The following AGBL4 variants were observed in gnomAD, a reference collection of about 807,000 sequenced individuals.
AGBL4 encodes the protein cytosolic carboxypeptidase 6.
AGBL4 carries 58 observed loss-of-function variants against 66.4 expected under a neutral mutation model. The observed-to-expected ratio is 0.87, with a 90% CI of 0.71 to 1.09. The LOEUF (loss-of-function observed/expected upper bound fraction) is 1.09, where lower values mean the gene tolerates loss of function less well. Among genes scored for constraint, AGBL4 ranks in the 50% least tolerant of loss-of-function variants. The pLI, the probability that AGBL4 is intolerant of heterozygous loss-of-function variation, is 0.00. For missense variants in AGBL4, 579 were observed against 631.0 expected (o/e 0.92, Z 0.88); for synonymous variants, 234 against 222.9 (o/e 1.05, Z -0.44).
At chr1:49,640,487 A>T (rs1558124476) in intron 3 of AGBL4, among the ~76,000 whole-genome samples, 1 of 152,130 alleles carries the variant, frequency 6.6e-6, no homozygotes, top group Non-Finnish European at 1.5e-5. Context: ...TGAGAGCACT[A>T]CTTAGTTTAG....
intron 6 of AGBL4, among the ~76,000 whole-genome samples, chr1:48,864,803 T>C (rs1647834118): frequency 6.6e-6 from 1 of 152,020 alleles, no homozygotes; most frequent in African/African-American, 2.4e-5. Flanking sequence ...GGAAGGAGTA[T>C]AGAATAGTCT....
intron 1 of AGBL4, among the ~76,000 whole-genome samples, chr1:49,983,919 A>G (rs1659291998): frequency 6.6e-6 from 1 of 152,194 alleles, no homozygotes; most frequent in Non-Finnish European, 1.5e-5. Flanking sequence ...GTTCCCAGCC[A>G]TGACGGGACA....
chr1:49,900,731 A>T (rs916790286), intron 1 of AGBL4, among the ~76,000 whole-genome samples: 2 of 152,228 alleles, frequency 1.3e-5, no homozygotes, highest in African/African-American at 4.8e-5. Flanking sequence ...GAATGTGCTT[A>T]TGGTCTCCTG....
At chr1:49,591,932 TC>T (rs1644759128) in intron 3 of AGBL4, among the ~76,000 whole-genome samples, 1 of 151,982 alleles carries the variant, frequency 6.6e-6, no homozygotes, top group Admixed American at 6.6e-5. Flanking sequence ...TATACAAAAA[TC>T]AACTCAAGAT....
chr1:48,765,504 T>C (rs761450107), intron 6 of AGBL4, among the ~76,000 whole-genome samples: 3 of 152,366 alleles, frequency 2.0e-5, no homozygotes, highest in Admixed American at 6.5e-5. Context: ...GAGAACATTA[T>C]GGCAGTTCCT....
At chr1:49,161,081 C>A (rs977099485) in intron 4 of AGBL4, among the ~76,000 whole-genome samples, 9 of 152,040 alleles carry the variant, frequency 5.9e-5, no homozygotes, top group African/African-American at 2.2e-4. Context: ...GCTGGCATTT[C>A]AGGTGCCAGT....
intron 4 of AGBL4, among the ~76,000 whole-genome samples, chr1:49,094,109 A>G (rs1204056008): frequency 2.0e-5 from 3 of 152,158 alleles, no homozygotes; most frequent in Non-Finnish European, 2.9e-5. Flanking sequence ...AAGAGTTGAT[A>G]CAGATGCAGA....
chr1:49,982,887 A>G (rs933909324), intron 1 of AGBL4, among the ~76,000 whole-genome samples: 35 of 152,136 alleles, frequency 2.3e-4, no homozygotes, highest in African/African-American at 8.4e-4. Context: ...GTTGAGAGAC[A>G]TTGGGGCAAA....
At chr1:49,373,039 G>C (rs372532524) in intron 3 of AGBL4, among the ~76,000 whole-genome samples, 1 of 152,064 alleles carries the variant, frequency 6.6e-6, no homozygotes, top group Non-Finnish European at 1.5e-5. Flanking sequence ...GATTATAGGC[G>C]TGAGCCACTG....
chr1:48,556,094 A>T (rs1644317569), intron 11 of AGBL4, among the ~76,000 whole-genome samples: 1 of 152,088 alleles, frequency 6.6e-6, no homozygotes, highest in South Asian at 2.1e-4. Flanking sequence ...TCCTATAGTG[A>T]ATCTCCATTA....
intron 5 of AGBL4, among the ~76,000 whole-genome samples, chr1:48,872,376 A>T (rs1267186623): frequency 6.6e-6 from 1 of 152,124 alleles, no homozygotes; most frequent in African/African-American, 2.4e-5. Context: ...ACATATATTT[A>T]TGGTCATAGC....
At chr1:49,738,333 T>C (rs959729468) in intron 2 of AGBL4, among the ~76,000 whole-genome samples, 1 of 152,168 alleles carries the variant, frequency 6.6e-6, no homozygotes, top group Non-Finnish European at 1.5e-5. Context: ...GAGATCAAAC[T>C]GCAAGTCAGC....
intron 4 of AGBL4, among the ~76,000 whole-genome samples, chr1:49,070,949 A>G (rs1644591514): frequency 6.6e-6 from 1 of 151,828 alleles, no homozygotes; most frequent in Non-Finnish European, 1.5e-5. Context: ...CAGAGATTTG[A>G]CTTCTTCCTG....
At chr1:49,923,647 G>A (rs981403231) in intron 1 of AGBL4, among the ~76,000 whole-genome samples, 19 of 151,840 alleles carry the variant, frequency 1.3e-4, no homozygotes, top group Admixed American at 1.2e-3. Context: ...TTAAAAAGTG[G>A]GCAAGGGACA....
At chr1:48,617,988 A>G (rs1265663695) in intron 9 of AGBL4, among the ~76,000 whole-genome samples, 3 of 152,184 alleles carry the variant, frequency 2.0e-5, no homozygotes, top group Non-Finnish European at 4.4e-5. Flanking sequence ...TGGGCCACCT[A>G]GAGTCAGAAG....
intron 3 of AGBL4, 156 bp downstream of exon 3, chr1:49,697,157 C>A (rs2124614515): frequency 1.4e-6 from 1 of 732,172 alleles, no homozygotes; most frequent in Non-Finnish European, 2.1e-6. Context: ...CATATTGTAT[C>A]TATTTCTCTG....
intron 2 of AGBL4, among the ~76,000 whole-genome samples, chr1:49,842,562 G>C (rs995047175): frequency 4.6e-5 from 7 of 152,194 alleles, no homozygotes; most frequent in Admixed American, 4.6e-4. Flanking sequence ...ATTTTGCTGT[G>C]AGTGACGACA....
intron 3 of AGBL4, among the ~76,000 whole-genome samples, chr1:49,319,794 A>G (rs1346435172): frequency 1.3e-5 from 2 of 152,228 alleles, no homozygotes; most frequent in Non-Finnish European, 2.9e-5. Context: ...CAAGAGGAAG[A>G]AGACAGAGAA....
chr1:49,146,138 G>C (rs1646213755), intron 4 of AGBL4, among the ~76,000 whole-genome samples: 1 of 152,016 alleles, frequency 6.6e-6, no homozygotes, highest in Non-Finnish European at 1.5e-5. Context: ...GAGGAAGTAG[G>C]GACAGTCAAT....
Sources: gnomAD v4.1 joint callset for allele counts (sites outside exome capture counted in the v4.1 genomes callset) on GRCh38, gnomAD v4.1.1 for gene constraint, MANE v1.5 for transcripts, NCBI Gene and HGNC (gene_info 2026-07-23, HGNC 2026-07-21) for gene names.